CPE: variants seen among roughly 807,000 people sequenced by gnomAD.
The protein encoded by CPE is carbocypeptidase E.
Under a neutral mutation model 53.5 loss-of-function variants are expected in CPE, and 17 were observed. The ratio of observed to expected loss-of-function variants is 0.32; its 90% CI spans 0.22 to 0.48. The LOEUF (loss-of-function observed/expected upper bound fraction) is 0.48. CPE is among the 20% of genes least tolerant of loss of function. The pLI is 0.99. For synonymous variants in CPE, 226 were observed against 228.8 expected (o/e 0.99, Z 0.11); for missense variants, 524 against 614.7 (o/e 0.85, Z 1.56).
chr4:165,447,312 T>A (rs148333355), intron 1 of CPE, among the ~76,000 whole-genome samples: 6,171 of 152,278 alleles, frequency 0.041, 404 homozygotes, highest in African/African-American at 0.13. Context: ...GGCTCACACC[T>A]GTAATCCCAG....
chr4:165,447,506 G>A (rs530355154), intron 1 of CPE, among the ~76,000 whole-genome samples: 4 of 152,024 alleles, frequency 2.6e-5, no homozygotes, highest in African/African-American at 7.2e-5. Context: ...AGGAGGCAGA[G>A]GTTGAGGTGA....
intron 1 of CPE, among the ~76,000 whole-genome samples, chr4:165,400,033 A>G (rs1730841349): frequency 1.3e-5 from 2 of 152,240 alleles, no homozygotes; most frequent in Admixed American, 1.3e-4. Context: ...GTCTTTGGCC[A>G]TATCATGAAT....
chr4:165,406,502 G>C (rs144052942), intron 1 of CPE, among the ~76,000 whole-genome samples: 1,597 of 152,200 alleles, frequency 0.01, 15 homozygotes, highest in Non-Finnish European at 0.016. Context: ...CTGTTCTTAA[G>C]CTCCCTCCTA....
At chr4:165,416,398 G>A (rs1361741172) in intron 1 of CPE, among the ~76,000 whole-genome samples, 7 of 152,134 alleles carry the variant, frequency 4.6e-5, no homozygotes, top group African/African-American at 1.7e-4. Flanking sequence ...GGCCCCTAGG[G>A]GAGACACAAA....
intron 1 of CPE, among the ~76,000 whole-genome samples, chr4:165,444,942 TTTC>T (rs199595130): frequency 8.9e-6 from 1 of 111,864 alleles, no homozygotes; most frequent in African/African-American, 3.4e-5. Flanking sequence ...TTCCATTCTC[TTTC>T]TTCTTATTTT....
intron 8 of CPE, among the ~76,000 whole-genome samples, 162 bp from the exon 9 acceptor site, chr4:165,497,350 C>T (rs999832706): frequency 6.6e-6 from 1 of 152,078 alleles, no homozygotes; most frequent in African/African-American, 2.4e-5. Flanking sequence ...ATTTTTTCCC[C>T]CTGAAAATAT....
chr4:165,484,477 C>T lies in CPE; in HGVS notation c.846C>T (p.Ala282=). Residue 282 remains alanine, a synonymous_variant, in exon 5 of 9, where the codon GCC becomes GCT. Transcript: ENST00000402744. ...SPDDAIFQSL[A]RAYSSFNPAM... is the part of the protein sequence containing the mutation. The stretch of plus-strand genomic sequence containing the variant: ...ATGACGCCATTTTCCAAAGCTTGGC[C>T]CGGGCATACTCTTCTTTCAACCCGG... 6.2e-7 allele frequency: 1 copy of T among 1,614,034 alleles called. No individual in the cohort carries two copies. Among genetic ancestry groups the T allele is most frequent in the Non-Finnish European group, 8.5e-7 (1 of 1,179,966 alleles).
rs553545634 is a variant in CPE at position 165,434,967 on chromosome 4, C to T, written c.308-29423C>T. The stretch of plus-strand genomic sequence containing the variant: ...TGTTAAAAAAAAGCCTGGCACCTCC[C>T]TTCTTTTGCTCTGGCTTTCTCTCTC... On this transcript the variant is annotated intron_variant, in intron 1 of 8. Coordinates refer to ENST00000402744, the MANE Select transcript of CPE (RefSeq NM_001873.4). 1.1e-3 allele frequency among the ~76,000 whole-genome samples: 175 copies of T among 152,274 alleles called. 1 individual carries two copies. Among genetic ancestry groups the T allele is most frequent in the African/African-American group, 4.1e-3 (171 of 41,566 alleles).
chr4:165,429,824 T>C (rs1731379878), intron 1 of CPE, among the ~76,000 whole-genome samples: 1 of 151,670 alleles, frequency 6.6e-6, no homozygotes, highest in African/African-American at 2.4e-5. Context: ...TTATAAGAAA[T>C]TATGTCATTG....
chr4:165,379,506 C>G lies in CPE; in HGVS notation c.285C>G (p.Asp95Glu). Reference protein sequence around the residue: ...GRELLVIELSDNPGVHEPGEP... With the variant: ...GRELLVIELSENPGVHEPGEP... ...AGCTCCTGGTCATCGAGCTGTCCGA[C>G]AACCCTGGCGTCCATGAGCCTGGTA... The change falls in exon 1 of 9, where the codon GAC (aspartate) becomes GAG (glutamate). Residue 95 changes from aspartate to glutamate, a missense_variant. Physicochemically the swap from Asp to Glu is conservative, Grantham distance 45. Transcript: ENST00000402744. The surrounding 1 kb of genome is among the most constrained non-coding windows in gnomAD (Gnocchi z 6.0). The G allele has an allele frequency of 6.3e-7, 1 of 1,593,270 alleles. No homozygotes were observed. The highest frequency in any genetic ancestry group is 8.6e-7 in the Non-Finnish European group (1 of 1,166,728).
intron 1 of CPE, among the ~76,000 whole-genome samples, chr4:165,392,355 T>C (rs926235022): frequency 6.8e-6 from 1 of 146,540 alleles, no homozygotes; most frequent in African/African-American, 2.5e-5. Flanking sequence ...ATATGTAATA[T>C]ACATATATCA....
chr4:165,440,851 G>A (rs566103040), intron 1 of CPE, among the ~76,000 whole-genome samples: 1 of 151,658 alleles, frequency 6.6e-6, no homozygotes, highest in Admixed American at 6.6e-5. Context: ...GGTTGCCAGA[G>A]AGGCTGGTGT....
Position 165,379,549 on chromosome 4 carries a change from C to G in CPE, c.307+21C>G, listed in dbSNP as rs750440101. The G allele has an allele frequency of 1.3e-6, 2 of 1,530,866 alleles. No homozygotes were observed. Among genetic ancestry groups the G allele is most frequent in the Admixed American group, 3.7e-5 (2 of 54,570 alleles). 94.8% of individuals were successfully genotyped at this position (1,530,866 alleles called of 1,614,324 possible). On this transcript the variant is annotated intron_variant, in intron 1 of 8. Transcript: ENST00000402744. The surrounding 1 kb of genome is among the most constrained non-coding windows in gnomAD (Gnocchi z 6.0). The stretch of plus-strand genomic sequence containing the variant: ...GCCTGGTAAGGGCGCTGCCCCCTGA[C>G]AGCCCTGGGGGCATCCCGGAGGGGG...
At chr4:165,468,649 C>A (rs1334224806) in intron 3 of CPE, among the ~76,000 whole-genome samples, 1 of 152,172 alleles carries the variant, frequency 6.6e-6, no homozygotes, top group Non-Finnish European at 1.5e-5. Context: ...TCTTCCATTT[C>A]CCTTCTTCTG....
chr4:165,486,042 A>C (rs915963966), intron 5 of CPE, among the ~76,000 whole-genome samples: 4 of 152,146 alleles, frequency 2.6e-5, no homozygotes, highest in African/African-American at 9.7e-5. Flanking sequence ...AATTAGGGGC[A>C]GGTTTGTCTC....
At chr4:165,405,424 C>A in intron 1 of CPE, 1 of 903,186 alleles carries the variant, frequency 1.1e-6, no homozygotes. Flanking sequence ...CGCTCCCTTG[C>A]TCAATTCCAG....
chr4:165,402,205 A>G (rs1730879936), intron 1 of CPE, among the ~76,000 whole-genome samples: 2 of 152,266 alleles, frequency 1.3e-5, no homozygotes, highest in Non-Finnish European at 2.9e-5. Context: ...AATAGTGGCC[A>G]ACATTTTCAG....
At chr4:165,428,184 G>T (rs1731353886) in intron 1 of CPE, among the ~76,000 whole-genome samples, 1 of 152,074 alleles carries the variant, frequency 6.6e-6, no homozygotes, top group Admixed American at 6.6e-5. Context: ...GACACATGCT[G>T]CTATGCCTGA....
At chr4:165,396,687 A>G (rs1035299936) in intron 1 of CPE, among the ~76,000 whole-genome samples, 6 of 149,346 alleles carry the variant, frequency 4.0e-5, no homozygotes, top group African/African-American at 1.5e-4. Context: ...AAAAAAAGAT[A>G]AGGGAGATTA....
Sources: gnomAD v4.1 joint callset for allele counts (sites outside exome capture counted in the v4.1 genomes callset) on GRCh38, gnomAD v4.1.1 for gene constraint, Gnocchi (gnomAD v3.1) non-coding constraint, MANE v1.5 for transcripts, NCBI Gene and HGNC (gene_info 2026-07-23, HGNC 2026-07-21) for gene names.